The following DCLK2 variants were observed in gnomAD, a reference collection of about 807,000 sequenced individuals.
DCLK2 encodes serine/threonine-protein kinase DCLK2.
In DCLK2, 31 loss-of-function variants were observed where a neutral mutation model predicts 78.4. The ratio of observed to expected loss-of-function variants is 0.40; its 90% confidence interval spans 0.30 to 0.53. DCLK2 has a LOEUF of 0.53. Among genes scored for constraint, DCLK2 ranks in the 20% least tolerant of loss-of-function variants. DCLK2 has a pLI of 0.61. For missense variants in DCLK2, 872 were observed against 973.7 expected (o/e 0.90, Z 1.39); for synonymous variants, 407 against 374.9 (o/e 1.09, Z -0.99).
At position 150,079,174 on chromosome 4, in the gene DCLK2, G is replaced by A. The variant is rs2150123929; in HGVS notation, c.147G>A (p.Ala49=). ...GGAACGGGCTCATCCCCAGTCCGGCGCACAGTGCCCACTGCAGCTTCTACC... is the reference window on the plus strand; with the variant it reads ...GGAACGGGCTCATCCCCAGTCCGGCACACAGTGCCCACTGCAGCTTCTACC... The part of the protein sequence containing the change: ...PKGNGLIPSP[A]HSAHCSFYRT... The change falls in exon 1 of 16, where the codon GCG becomes GCA. Residue 49 remains alanine (A), a synonymous_variant. Transcript: ENST00000296550. 2 of 1,609,306 alleles carry A rather than the reference G, an allele frequency of 1.2e-6. No individual in the cohort carries two copies. Among genetic ancestry groups the A allele is most frequent in the South Asian group, 1.1e-5 (1 of 90,262 alleles).
intron 2 of DCLK2, among the ~76,000 whole-genome samples, chr4:150,120,285 A>G (rs1009749870): frequency 2.0e-5 from 3 of 152,308 alleles, no homozygotes; most frequent in South Asian, 4.2e-4. Flanking sequence ...CTTGTCTTCC[A>G]TGTAAAACCC....
At chr4:150,253,876 G>A in intron 15 of DCLK2, 1 of 985,484 alleles carries the variant, frequency 1.0e-6, no homozygotes, top group Non-Finnish European at 1.2e-6. Flanking sequence ...TTAAGATGGT[G>A]CCTTCGTGAA....
At chr4:150,141,265 G>T (rs1734083982) in intron 2 of DCLK2, among the ~76,000 whole-genome samples, 1 of 152,126 alleles carries the variant, frequency 6.6e-6, no homozygotes, top group Non-Finnish European at 1.5e-5. Flanking sequence ...TCAAACTTGT[G>T]TTTGAAAAGC....
At chr4:150,176,717 A>G (rs912053519) in intron 2 of DCLK2, among the ~76,000 whole-genome samples, 10 of 152,194 alleles carry the variant, frequency 6.6e-5, no homozygotes, top group Admixed American at 3.9e-4. Flanking sequence ...AGCTGGAGAA[A>G]AGAGACTGCA....
chr4:150,255,071 A>G (rs2126655366), intron 15 of DCLK2, among the ~76,000 whole-genome samples: 1 of 152,314 alleles, frequency 6.6e-6, no homozygotes. Flanking sequence ...GCCGCCACCC[A>G]AGTTCATCTT....
chr4:150,114,895 A>C (rs2150172562), intron 2 of DCLK2, among the ~76,000 whole-genome samples: 1 of 152,322 alleles, frequency 6.6e-6, no homozygotes, highest in African/African-American at 2.4e-5. Context: ...TGAATCCCCC[A>C]GGAGTTCTTT....
At chr4:150,239,268 C>T (rs1041060213) in intron 10 of DCLK2, among the ~76,000 whole-genome samples, 2 of 152,092 alleles carry the variant, frequency 1.3e-5, no homozygotes, top group African/African-American at 2.4e-5. Context: ...AAAAAATTAG[C>T]ACTTTAAAGC....
Position 150,094,286 on chromosome 4 carries a change from A to G in DCLK2, c.422-8192A>G, listed in dbSNP as rs934398063. Among the ~76,000 whole-genome samples the G allele has an allele frequency of 3.9e-5, 6 of 152,344 alleles. No homozygotes were observed. In the South Asian group the frequency reaches 8.3e-4, roughly 21 times the overall value. Reference sequence around the variant, plus strand: ...AAGGCAACCTACAGAATGAGAGAAAATGTTTGCAGATAACATGTCTGACAA... The same window carrying G: ...AAGGCAACCTACAGAATGAGAGAAAGTGTTTGCAGATAACATGTCTGACAA... On this transcript the variant is annotated intron_variant, in intron 1 of 15. Transcript: ENST00000296550.
chr4:150,220,907 C>T (rs563273982), intron 6 of DCLK2, 129 bp downstream of exon 6: 185 of 670,720 alleles, frequency 2.8e-4, no homozygotes, highest in African/African-American at 2.5e-3. Flanking sequence ...CCTGTCAGCC[C>T]CTTTGGCCTT....
intron 1 of DCLK2, among the ~76,000 whole-genome samples, chr4:150,101,597 C>G (rs1404683453): frequency 6.6e-6 from 1 of 151,814 alleles, no homozygotes; most frequent in Non-Finnish European, 1.5e-5. Context: ...GTATAAAAAC[C>G]TTGGGTGATT....
At position 150,232,788 on chromosome 4, in the gene DCLK2, T is replaced by A; in HGVS notation, c.1526T>A (p.Leu509His). ...LANALRYLHG[L>H]SIVHRDIKPE... ...AATGCCCTCAGGTATCTCCATGGCC[T>A]CAGCATCGTGCACAGAGACATCAAA... The change falls in exon 10 of 16, where the codon CTC (leucine) becomes CAC (histidine). Residue 509 changes from leucine to histidine, a missense_variant. By Grantham distance (99) the Leu-to-His change is moderately conservative. Coordinates refer to ENST00000296550, the MANE Select transcript of DCLK2 (RefSeq NM_001040260.4). 1.9e-6 allele frequency: 3 copies of A among 1,614,184 alleles called. No individual in the cohort carries two copies. Among genetic ancestry groups the A allele is most frequent in the Non-Finnish European group, 2.5e-6 (3 of 1,180,010 alleles).
intron 15 of DCLK2, among the ~76,000 whole-genome samples, chr4:150,253,069 TGTCCTCCTCGTCCTCCTCATCCTCCTC>T (rs1438809080): frequency 1.3e-5 from 2 of 151,126 alleles, no homozygotes; most frequent in Non-Finnish European, 3.0e-5. Flanking sequence ...GCTGCTGTAT[TGTCCTCCTCGTCCTCCTCATCCTCCTC>T]GTCCTCCTCA....
intron 2 of DCLK2, among the ~76,000 whole-genome samples, chr4:150,184,955 TAA>T (rs1380809202): frequency 6.6e-6 from 1 of 152,204 alleles, no homozygotes; most frequent in African/African-American, 2.4e-5. Flanking sequence ...GTTCAGAATG[TAA>T]GTGTCCAGAG....
intron 2 of DCLK2, among the ~76,000 whole-genome samples, chr4:150,177,125 A>G (rs1415624908): frequency 6.6e-6 from 1 of 152,176 alleles, no homozygotes; most frequent in Non-Finnish European, 1.5e-5. Context: ...CTTGTGTTAT[A>G]ATGTAGAATA....
intron 10 of DCLK2, among the ~76,000 whole-genome samples, chr4:150,236,425 T>A (rs980279950): frequency 1.3e-5 from 2 of 152,180 alleles, no homozygotes; most frequent in Non-Finnish European, 2.9e-5. Context: ...CGCCTCAGTC[T>A]CCTCGTTTGT....
intron 1 of DCLK2, among the ~76,000 whole-genome samples, chr4:150,080,547 T>TGCC: frequency 6.6e-6 from 1 of 152,344 alleles, no homozygotes; most frequent in Middle Eastern, 3.4e-3. Context: ...ACATTCCATG[T>TGCC]AGTCATAGCA....
intron 8 of DCLK2, 55 bp downstream of exon 8, chr4:150,224,613 G>A (rs780736739): frequency 2.3e-5 from 34 of 1,489,038 alleles, no homozygotes; most frequent in Middle Eastern, 1.8e-4. Flanking sequence ...TTGGTGAGGT[G>A]TTTACTGTGA....
chr4:150,256,233 C>G lies in DCLK2; in HGVS notation c.2287C>G (p.Arg763Gly). ...TGGTGAGCGGGCAGGAACCTGGCGCCGCCACCGAGACTGAGCCTCCTGCAG... is the reference window on the plus strand; with the variant it reads ...TGGTGAGCGGGCAGGAACCTGGCGCGGCCACCGAGACTGAGCCTCCTGCAG... The part of the protein sequence containing the change: ...PGGERAGTWR[R>G]HRD Residue 763 changes from arginine to glycine, a missense_variant, in exon 16 of 16, where the codon CGC (arginine) becomes GGC (glycine). This residue lies in a region of DCLK2 where 219 missense variants were observed against 230.1 expected (regional missense o/e 0.95). Transcript: ENST00000296550. 1 of 1,507,558 alleles carries G rather than the reference C, an allele frequency of 6.6e-7. No individual in the cohort carries two copies. The allele number at this position is 1,507,558 out of a possible 1,614,324, so 93.4% of individuals were successfully genotyped here.
chr4:150,195,093 G>A (rs548824107), intron 3 of DCLK2, among the ~76,000 whole-genome samples: 1 of 134,550 alleles, frequency 7.4e-6, no homozygotes, highest in African/African-American at 2.8e-5. Context: ...CTGTGCTAGT[G>A]CTCTCCCTCA....
Sources: gnomAD v4.1 joint callset for allele counts (sites outside exome capture counted in the v4.1 genomes callset) on GRCh38, gnomAD v4.1.1 for gene constraint, gnomAD v4.1.1 regional missense constraint, MANE v1.5 for transcripts, NCBI Gene and HGNC (gene_info 2026-07-23, HGNC 2026-07-21) for gene names.